Variants in ASIC2 observed in about 807,000 individuals in gnomAD.
ASIC2 encodes the protein acid-sensing ion channel 2.
ASIC2 carries 25 observed loss-of-function variants against 57.3 expected under a neutral mutation model. The ratio of observed to expected loss-of-function variants is 0.44; its 90% confidence interval spans 0.32 to 0.61. The LOEUF (loss-of-function observed/expected upper bound fraction) is 0.61. Ranked by LOEUF, ASIC2 falls within the 20% of genes least tolerant of loss-of-function variation. The pLI, the probability that ASIC2 is intolerant of heterozygous loss-of-function variation, is 0.06. For synonymous variants in ASIC2, 319 were observed against 307.5 expected, an observed-to-expected ratio of 1.04 and a Z score of -0.39; for missense variants, 641 against 738.1, an observed-to-expected ratio of 0.87 and a Z score of 1.52.
chr17:33,076,302 A>C (rs1437189892), intron 3 of ASIC2, among the ~76,000 whole-genome samples: 1 of 152,240 alleles, frequency 6.6e-6, no homozygotes, highest in East Asian at 1.9e-4. Flanking sequence ...AAGGTATTAC[A>C]GGGGCAGTCC....
In ASIC2 at chr17:33,742,049, T is replaced by G. The variant is rs145942166; in HGVS notation, c.555+413929A>C. Among the ~76,000 whole-genome samples the G allele has an allele frequency of 2.8e-4, 42 of 152,272 alleles. No individual in the cohort carries two copies. In the East Asian group the frequency reaches 7.5e-3, roughly 27 times the overall value. On this transcript the variant is annotated intron_variant, in intron 1 of 9. Transcript: ENST00000359872. ...CAGGTGCCAGATGATCACCAGAAAC[T>G]TTAGGAGAAATGGGGCCTGCATATA...
chr17:33,029,779 A>G (rs536180854), intron 3 of ASIC2, among the ~76,000 whole-genome samples: 25 of 152,350 alleles, frequency 1.6e-4, no homozygotes, highest in Non-Finnish European at 1.6e-4. Context: ...ATTACTCTAC[A>G]TCCATGCCAA....
In ASIC2 at chr17:33,556,047, C is replaced by T. The variant is rs149510212; in HGVS notation, c.556-443980G>A. On this transcript the variant is annotated intron_variant, in intron 1 of 9. Transcript: ENST00000359872. ...ATTTGAATATCTTAAAGATGACAGC[C>T]GCCCATTCCTGCAATGTGATCCCAC... 5.4e-3 allele frequency among the ~76,000 whole-genome samples: 821 copies of T among 152,278 alleles called. 5 individuals carry two copies. Among genetic ancestry groups the T allele is most frequent in the African/African-American group, 0.019 (784 of 41,550 alleles).
At chr17:34,098,216 G>T (rs572097442) in intron 1 of ASIC2, among the ~76,000 whole-genome samples, 1 of 152,144 alleles carries the variant, frequency 6.6e-6, no homozygotes, top group Non-Finnish European at 1.5e-5. Flanking sequence ...CAGACAAAGC[G>T]CATGGAAGCA....
At chr17:33,981,506 C>T (rs879426037) in intron 1 of ASIC2, among the ~76,000 whole-genome samples, 5 of 152,132 alleles carry the variant, frequency 3.3e-5, no homozygotes, top group Admixed American at 2.0e-4. Flanking sequence ...AATGGCTGTT[C>T]GAAGACCAAA....
chr17:33,603,170 A>G (rs1336747271), intron 1 of ASIC2, among the ~76,000 whole-genome samples: 4 of 152,232 alleles, frequency 2.6e-5, no homozygotes, highest in African/African-American at 9.6e-5. Flanking sequence ...TGTCATGGCA[A>G]CAGGGCCAAC....
At chr17:33,361,146 C>T (rs1597698881) in intron 1 of ASIC2, among the ~76,000 whole-genome samples, 1 of 152,272 alleles carries the variant, frequency 6.6e-6, no homozygotes. Context: ...AAGGAGGACC[C>T]AACCTTGAAT....
chr17:33,271,915 C>T (rs1204146465), intron 1 of ASIC2, among the ~76,000 whole-genome samples: 1 of 152,252 alleles, frequency 6.6e-6, no homozygotes, highest in East Asian at 1.9e-4. Flanking sequence ...ATTTGGCCTG[C>T]ACCTACTATC....
intron 1 of ASIC2, among the ~76,000 whole-genome samples, chr17:34,013,276 G>C (rs1906836239): frequency 6.6e-6 from 1 of 152,162 alleles, no homozygotes. Flanking sequence ...CACAGCATAG[G>C]AAGGGTGGGA....
At chr17:33,565,851 G>A (rs1597787231) in intron 1 of ASIC2, 3 of 152,324 alleles carry the variant, frequency 2.0e-5, no homozygotes, top group African/African-American at 4.8e-5. Flanking sequence ...ACAGCTTGAA[G>A]GTGAAACCAG....
At chr17:33,100,253 G>A (rs1164313342) in intron 2 of ASIC2, 1 of 152,258 alleles carries the variant, frequency 6.6e-6, no homozygotes, top group Non-Finnish European at 1.5e-5. Flanking sequence ...CTGGTGATCT[G>A]GCCTCTACCT....
chr17:33,030,954 T>A lies in ASIC2; in HGVS notation c.988-2562A>T, dbSNP rs555079483. 3.3e-5 allele frequency among the ~76,000 whole-genome samples: 5 copies of A among 152,296 alleles called. No homozygotes were observed. The East Asian group carries it at 9.6e-4, about 29-fold the overall frequency. On this transcript the variant is annotated intron_variant, in intron 3 of 9. Coordinates refer to ENST00000225823, the MANE Select transcript of ASIC2 (RefSeq NM_183377.2). ...TTTTTGCATCTATGTTTATGAGGCA[T>A]ATTGTATTTAATTTACTTTTCTTAT...
At chr17:33,939,342 A>G (rs1916135723) in intron 1 of ASIC2, among the ~76,000 whole-genome samples, 1 of 152,224 alleles carries the variant, frequency 6.6e-6, no homozygotes. Flanking sequence ...TGCCCATTGG[A>G]AATTGAATCA....
chr17:33,846,166 G>A (rs1473657379), intron 1 of ASIC2, among the ~76,000 whole-genome samples: 1 of 152,174 alleles, frequency 6.6e-6, no homozygotes, highest in African/African-American at 2.4e-5. Flanking sequence ...AGTGTGCACA[G>A]GCTTTCTGGA....
chr17:33,085,244 G>A (rs903521164), intron 3 of ASIC2, among the ~76,000 whole-genome samples: 1 of 152,144 alleles, frequency 6.6e-6, no homozygotes, highest in East Asian at 1.9e-4. Context: ...TGATAGCAAC[G>A]TAGCTGCCAC....
intron 3 of ASIC2, among the ~76,000 whole-genome samples, chr17:33,041,190 C>T (rs140067697): frequency 3.1e-4 from 47 of 152,302 alleles, no homozygotes; most frequent in Non-Finnish European, 4.1e-4. Context: ...TACCTAACTA[C>T]TCTGGGCCTC....
At chr17:33,571,091 A>G (rs926036924) in intron 1 of ASIC2, among the ~76,000 whole-genome samples, 2 of 152,128 alleles carry the variant, frequency 1.3e-5, no homozygotes, top group East Asian at 3.8e-4. Context: ...TCCATTCACC[A>G]GACTAATCTC....
chr17:33,613,236 A>C (rs531836090), intron 1 of ASIC2, among the ~76,000 whole-genome samples: 2 of 152,302 alleles, frequency 1.3e-5, no homozygotes, highest in Admixed American at 6.5e-5. Context: ...AGAACCTTCA[A>C]ATAAAATAGA....
chr17:34,022,457 G>A (rs1211890273), intron 1 of ASIC2, among the ~76,000 whole-genome samples: 2 of 151,998 alleles, frequency 1.3e-5, no homozygotes, highest in Admixed American at 1.3e-4. Flanking sequence ...AATATTACTA[G>A]GAAGTAAGAT....
Sources: allele counts gnomAD v4.1 joint callset (sites outside exome capture counted in the v4.1 genomes callset), GRCh38; gene constraint gnomAD v4.1.1; transcripts MANE v1.5; gene names NCBI Gene and HGNC (gene_info 2026-07-23, HGNC 2026-07-21).